Variants in PCDHGB6 observed in about 807,000 individuals in gnomAD.
PCDHGB6 encodes protocadherin gamma-B6.
A neutral mutation model predicts 59.1 loss-of-function variants in PCDHGB6; 51 were observed. That is an observed-to-expected ratio of 0.86 (90% confidence interval 0.69 to 1.09). The LOEUF (loss-of-function observed/expected upper bound fraction) is 1.09, where lower values mean the gene tolerates loss of function less well. Ranked by LOEUF, PCDHGB6 falls within the 50% of genes least tolerant of loss-of-function variation. PCDHGB6 has a pLI of 0.00. For synonymous variants in PCDHGB6, 466 were observed against 495.1 expected, an observed-to-expected ratio of 0.94 and a Z score of 0.78; for missense variants, 1,148 against 1,205.1, an observed-to-expected ratio of 0.95 and a Z score of 0.70.
chr5:141,470,016 C>T (rs116065751), intron 1 of PCDHGB6, among the ~76,000 whole-genome samples: 69 of 152,264 alleles, frequency 4.5e-4, no homozygotes, highest in Non-Finnish European at 7.2e-4. Flanking sequence ...GTAATCCCAG[C>T]TACTCGGGAT....
intron 1 of PCDHGB6, chr5:141,419,944 C>T (rs1375807568): frequency 6.2e-7 from 1 of 1,614,066 alleles, no homozygotes; most frequent in South Asian, 1.1e-5. Flanking sequence ...TGGTGGTGGC[C>T]TTGGCCTTGA....
chr5:141,421,400 G>A (rs2096569762), intron 1 of PCDHGB6: 1 of 1,614,060 alleles, frequency 6.2e-7, no homozygotes, highest in Non-Finnish European at 8.5e-7. Context: ...CTGGAGCCCC[G>A]GGAGCTGGCG....
intron 1 of PCDHGB6, among the ~76,000 whole-genome samples, chr5:141,452,271 C>A (rs1592214421): frequency 6.6e-6 from 1 of 152,108 alleles, no homozygotes. Flanking sequence ...TTTCTTGAAC[C>A]CTTTCTTACT....
chr5:141,428,052 G>A (rs750852525), intron 1 of PCDHGB6: 6 of 1,608,992 alleles, frequency 3.7e-6, no homozygotes, highest in East Asian at 4.5e-5. Context: ...GACCAAGGTG[G>A]TGGCGGTGGA....
chr5:141,492,464 C>G (rs1595116794), intron 1 of PCDHGB6, among the ~76,000 whole-genome samples: 1 of 152,354 alleles, frequency 6.6e-6, no homozygotes, highest in Non-Finnish European at 1.5e-5. Context: ...GCCTGAGGGT[C>G]CCAGATCGCG....
chr5:141,502,750 A>G (rs974131144), intron 2 of PCDHGB6, among the ~76,000 whole-genome samples: 3 of 151,928 alleles, frequency 2.0e-5, no homozygotes, highest in Non-Finnish European at 4.4e-5. Context: ...TTCCTTCTAC[A>G]TGTATTTGCT....
In PCDHGB6 at chr5:141,410,508, G is replaced by T. The variant is rs752298772; in HGVS notation, c.2306G>T (p.Cys769Phe). Residue 769 changes from cysteine (C) to phenylalanine (F), a missense_variant, in exon 1 of 4, where the codon TGC becomes TTC. Cys to Phe is a radical substitution (Grantham distance 205). Transcript: ENST00000520790. ...TGTKEFNFLK[C>F]SVPLHSNEDM... ...ACAAAAGAGTTTAATTTCCTAAAAT[G>T]CAGTGTGCCCCTACATTCCAATGAA... 6.2e-7 allele frequency: 1 copy of T among 1,613,968 alleles called. No homozygotes were observed. Among genetic ancestry groups the T allele is most frequent in the South Asian group, 1.1e-5 (1 of 91,082 alleles).
intron 1 of PCDHGB6, among the ~76,000 whole-genome samples, chr5:141,472,264 G>A (rs925973401): frequency 1.3e-4 from 20 of 152,068 alleles, no homozygotes; most frequent in African/African-American, 3.6e-4. Context: ...TATTATAGCC[G>A]GGCACAGTGG....
chr5:141,430,865 C>A, intron 1 of PCDHGB6: 2 of 1,595,350 alleles, frequency 1.3e-6, no homozygotes, highest in Non-Finnish European at 1.7e-6. Flanking sequence ...CTATTCAGTT[C>A]CGGAAGAGCT....
Position 141,489,828 on chromosome 5 carries a change from A to G in PCDHGB6, c.2419-4979A>G. The G allele has an allele frequency of 1.9e-6, 3 of 1,614,010 alleles. No homozygotes were observed. The highest frequency in any genetic ancestry group is 1.1e-5 in the South Asian group (1 of 91,080). ...GGAAGCCATTCCCAGAGCTGGTGCTAGAGCAGCAGCTGGATCGTGAAGCCC... is the reference window on the plus strand; with the variant it reads ...GGAAGCCATTCCCAGAGCTGGTGCTGGAGCAGCAGCTGGATCGTGAAGCCC... On this transcript the variant is annotated intron_variant, in intron 1 of 3. Transcript: ENST00000520790. The surrounding 1 kb of genome is among the most constrained non-coding windows in gnomAD (Gnocchi z 4.5).
intron 1 of PCDHGB6, among the ~76,000 whole-genome samples, chr5:141,463,179 A>G (rs1261927835): frequency 6.6e-6 from 1 of 152,082 alleles, no homozygotes; most frequent in Non-Finnish European, 1.5e-5. Context: ...GTATGCTCAG[A>G]TTATTATTTA....
chr5:141,475,978 G>C, intron 1 of PCDHGB6: 1 of 1,010,712 alleles, frequency 9.9e-7, no homozygotes, highest in Non-Finnish European at 1.4e-6. Context: ...AGACTGAACA[G>C]CCGGCGAGCA....
chr5:141,455,109 G>A (rs2098813382), intron 1 of PCDHGB6, among the ~76,000 whole-genome samples: 1 of 151,932 alleles, frequency 6.6e-6, no homozygotes, highest in South Asian at 2.1e-4. Context: ...ACTGCGCCCG[G>A]TGGGTCTAAT....
In PCDHGB6 at chr5:141,409,213, C is replaced by T. The variant is rs1379007048; in HGVS notation, c.1011C>T (p.Ile337=). The part of the protein sequence containing the change: ...LSTQCKVIIE[I]LDENDNSPEI... ...CCCAGTGTAAAGTAATCATAGAAATCCTTGATGAAAACGACAACAGCCCAG... is the reference window on the plus strand; with the variant it reads ...CCCAGTGTAAAGTAATCATAGAAATTCTTGATGAAAACGACAACAGCCCAG... The change falls in exon 1 of 4, where the codon ATC becomes ATT. Residue 337 remains isoleucine, a synonymous_variant. Coordinates refer to ENST00000520790, the MANE Select transcript of PCDHGB6 (RefSeq NM_018926.3). 1 of 1,613,994 alleles carries T rather than the reference C, an allele frequency of 6.2e-7. No homozygotes were observed. Among genetic ancestry groups the T allele is most frequent in the Admixed American group, 1.7e-5 (1 of 60,020 alleles).
intron 1 of PCDHGB6, chr5:141,422,603 C>G: frequency 6.2e-7 from 1 of 1,614,078 alleles, no homozygotes; most frequent in Non-Finnish European, 8.5e-7. Context: ...TCCTCTTACT[C>G]TGCCTACATT....
rs978782104 is a variant in PCDHGB6 at position 141,431,445 on chromosome 5, G to C, written c.2418+20825G>C. 1 of 1,613,742 alleles carries C rather than the reference G, an allele frequency of 6.2e-7. No homozygotes were observed. On this transcript the variant is annotated intron_variant, in intron 1 of 3. Transcript: ENST00000520790. This position sits in a 1 kb window ranked among gnomAD's most constrained non-coding sequence, Gnocchi z 4.8. ...GTGCGCACAGGCACCGCGCGCATCC[G>C]CGTGATGGTTCTGGATGCGAACGAC...
chr5:141,453,116 GT>G (rs2098756689), intron 1 of PCDHGB6, among the ~76,000 whole-genome samples: 1 of 151,698 alleles, frequency 6.6e-6, no homozygotes, highest in Admixed American at 6.6e-5. Context: ...GTTTTGTTTT[GT>G]TTTGTTTTGT....
At chr5:141,438,487 G>T (rs1030201971) in intron 1 of PCDHGB6, among the ~76,000 whole-genome samples, 9 of 150,284 alleles carry the variant, frequency 6.0e-5, no homozygotes, top group African/African-American at 2.2e-4. Flanking sequence ...GTCTCTTGGA[G>T]AAAAAAGAAT....
intron 1 of PCDHGB6, chr5:141,412,531 T>G (rs534627173): frequency 1.7e-4 from 26 of 152,304 alleles, no homozygotes; most frequent in African/African-American, 5.8e-4. Flanking sequence ...GTTACAATTA[T>G]AAAGCTTCAG....
Sources: allele counts gnomAD v4.1 joint callset (sites outside exome capture counted in the v4.1 genomes callset), GRCh38; gene constraint gnomAD v4.1.1; non-coding constraint Gnocchi (gnomAD v3.1); transcripts MANE v1.5; gene names NCBI Gene and HGNC (gene_info 2026-07-23, HGNC 2026-07-21).